S100Z: variants seen among roughly 807,000 people sequenced by gnomAD.
S100Z encodes the protein S100 calcium binding protein Z.
In S100Z, 11 loss-of-function variants were observed where a neutral mutation model predicts 8.5. The ratio of observed to expected loss-of-function variants is 1.30; its 90% confidence interval spans 0.82 to 2.15. The LOEUF (loss-of-function observed/expected upper bound fraction) is 2.15. Among genes scored for constraint, S100Z ranks in the 30% most tolerant of loss-of-function variants. The pLI, the probability that S100Z is intolerant of heterozygous loss-of-function variation, is 0.00. For missense variants in S100Z, 126 were observed against 117.9 expected, an observed-to-expected ratio of 1.07 and a Z score of -0.32; for synonymous variants, 34 against 43.8, an observed-to-expected ratio of 0.78 and a Z score of 0.89.
intron 4 of S100Z, among the ~76,000 whole-genome samples, chr5:76,906,720 C>T (rs1389760017): frequency 6.6e-6 from 1 of 151,416 alleles, no homozygotes; most frequent in Non-Finnish European, 1.5e-5. Flanking sequence ...GCAACCTCCT[C>T]CTCCCAGGTT....
chr5:76,945,732 C>T, the S100Z span, among the ~76,000 whole-genome samples: 1 of 152,204 alleles, frequency 6.6e-6, no homozygotes, highest in Non-Finnish European at 1.5e-5. Context: ...TGCTTTCCTA[C>T]TGCATTCCTC....
chr5:76,932,013 T>TTA, the S100Z span, among the ~76,000 whole-genome samples: 9 of 152,144 alleles, frequency 5.9e-5, no homozygotes, highest in African/African-American at 4.8e-5. Context: ...GGATTATTAT[T>TTA]TATATATATA....
At chr5:76,911,826 T>C (rs1744672523) in intron 4 of S100Z, among the ~76,000 whole-genome samples, 1 of 152,218 alleles carries the variant, frequency 6.6e-6, no homozygotes, top group South Asian at 2.1e-4. Context: ...CAGCCTATAC[T>C]GGCTTATCCT....
chr5:76,907,017 TATATATACATATATATATAC>T (rs1744476984), intron 4 of S100Z, among the ~76,000 whole-genome samples: 1 of 110,610 alleles, frequency 9.0e-6, no homozygotes, highest in South Asian at 2.7e-4. Context: ...TATATATATA[TATATATACATATATATATAC>T]CAAATTTTCT....
intron 1 of S100Z, among the ~76,000 whole-genome samples, chr5:76,867,439 C>CT (rs1193757182): frequency 6.6e-6 from 1 of 152,178 alleles, no homozygotes; most frequent in African/African-American, 2.4e-5. Context: ...GGGTGTCTGC[C>CT]TGCCCGGTTG....
At chr5:76,945,629 A>G in the S100Z span, among the ~76,000 whole-genome samples, 1 of 152,252 alleles carries the variant, frequency 6.6e-6, no homozygotes, top group African/African-American at 2.4e-5. Context: ...GCCTATGTGC[A>G]CATCCAGGCA....
intron 1 of S100Z, among the ~76,000 whole-genome samples, chr5:76,859,972 G>A (rs987689638): frequency 3.9e-5 from 6 of 152,100 alleles, no homozygotes; most frequent in African/African-American, 1.4e-4. Flanking sequence ...TGGAGAATCT[G>A]CTGGTTTTCT....
In S100Z at chr5:76,865,242, T is replaced by A. The variant is rs961405030; in HGVS notation, c.-175-4924T>A. 5.1e-3 allele frequency among the ~76,000 whole-genome samples: 241 copies of A among 46,990 alleles called. 2 individuals are homozygous for A. The highest frequency in any genetic ancestry group is 0.013 in the African/African-American group (151 of 11,518). 30.8% of individuals were successfully genotyped at this position (46,990 alleles called of 152,430 possible). A position where few individuals can be genotyped will look rare whatever the true frequency, so the allele number is the denominator to read the frequency against. On this transcript the variant is annotated intron_variant, in intron 1 of 4. Transcript: ENST00000317593. The stretch of plus-strand genomic sequence containing the variant: ...ATGTGTGTGTTTGTGTCCTAGCTCT[T>A]TTTTTTTTTTTTTTTTTTTGAGATG...
At chr5:76,926,820 T>A in the S100Z span, among the ~76,000 whole-genome samples, 1 of 152,050 alleles carries the variant, frequency 6.6e-6, no homozygotes, top group Non-Finnish European at 1.5e-5. Context: ...AGGAAAAGAT[T>A]CCCCCTGAAG....
chr5:76,924,869 C>T (rs1191196974), downstream of S100Z, among the ~76,000 whole-genome samples: 3 of 151,290 alleles, frequency 2.0e-5, no homozygotes, highest in African/African-American at 4.9e-5. Context: ...GCCAAGATGG[C>T]GCCACGGCAC....
chr5:76,940,141 G>A, the S100Z span, among the ~76,000 whole-genome samples: 1 of 119,056 alleles, frequency 8.4e-6, no homozygotes, highest in Non-Finnish European at 1.6e-5. Context: ...TGGCAACAGA[G>A]CAAGACTCCA....
downstream of S100Z, among the ~76,000 whole-genome samples, chr5:76,924,835 C>G (rs974535631): frequency 6.6e-6 from 1 of 151,864 alleles, no homozygotes; most frequent in Admixed American, 6.6e-5. Flanking sequence ...ATCGCTTGAA[C>G]GCGGGAGGTG....
intron 4 of S100Z, among the ~76,000 whole-genome samples, chr5:76,879,295 G>A (rs550654567): frequency 6.6e-6 from 1 of 152,280 alleles, no homozygotes; most frequent in South Asian, 2.1e-4. Flanking sequence ...TTGTTGTCAT[G>A]GAGGAGCCTC....
At chr5:76,868,624 T>TC (rs1742877325) in intron 1 of S100Z, among the ~76,000 whole-genome samples, 2 of 19,632 alleles carry the variant, frequency 1.0e-4, no homozygotes, top group Non-Finnish European at 2.0e-4. Context: ...ATTCAAACTC[T>TC]TTTTTTTTTT....
chr5:76,931,041 TG>T, the S100Z span, among the ~76,000 whole-genome samples: 4 of 151,970 alleles, frequency 2.6e-5, no homozygotes, highest in Admixed American at 1.3e-4. Flanking sequence ...GTATTCTTGC[TG>T]GCTTGTAGGT....
intron 4 of S100Z, among the ~76,000 whole-genome samples, chr5:76,898,938 T>TC (rs1262465666): frequency 1.3e-3 from 185 of 140,360 alleles, no homozygotes; most frequent in African/African-American, 4.7e-3. Context: ...CTTTTCTTTT[T>TC]TTTTTTTTTT....
intron 1 of S100Z, among the ~76,000 whole-genome samples, chr5:76,852,028 CTTAAAAA>C (rs1750743130): frequency 1.3e-5 from 2 of 150,910 alleles, no homozygotes; most frequent in Admixed American, 6.6e-5. Flanking sequence ...TCCAGGAATT[CTTAAAAA>C]TTAAAATTTC....
At chr5:76,916,089 A>C (rs1236173464) in intron 4 of S100Z, among the ~76,000 whole-genome samples, 1 of 147,564 alleles carries the variant, frequency 6.8e-6, no homozygotes, top group Non-Finnish European at 1.5e-5. Flanking sequence ...TGAACCCAGG[A>C]GGTGGAGGTT....
chr5:76,924,759 A>T (rs1289920593), downstream of S100Z, among the ~76,000 whole-genome samples: 2 of 151,908 alleles, frequency 1.3e-5, no homozygotes, highest in Non-Finnish European at 2.9e-5. Context: ...AAAATACAAA[A>T]ATTAGCCGGG....
Sources: allele counts gnomAD v4.1 joint callset (sites outside exome capture counted in the v4.1 genomes callset), GRCh38; gene constraint gnomAD v4.1.1; transcripts MANE v1.5; gene names NCBI Gene and HGNC (gene_info 2026-07-23, HGNC 2026-07-21).